Variants in MPZ observed in about 807,000 individuals in gnomAD.
MPZ encodes the protein myelin protein P0.
MPZ carries 13 observed loss-of-function variants against 27.9 expected under a neutral mutation model. The observed-to-expected ratio is 0.47, with a 90% CI of 0.30 to 0.74. The LOEUF (loss-of-function observed/expected upper bound fraction) is 0.74, where lower values mean the gene tolerates loss of function less well. Ranked by LOEUF, MPZ falls within the 30% of genes least tolerant of loss-of-function variation. The probability of loss-of-function intolerance (pLI) is 0.06; values close to 1 mark genes in which losing one functional copy is unlikely to be tolerated. For synonymous variants in MPZ, 118 were observed against 128.9 expected, an observed-to-expected ratio of 0.92 and a Z score of 0.57; for missense variants, 256 against 317.5, an observed-to-expected ratio of 0.81 and a Z score of 1.47.
intron 1 of MPZ, 197 bp from the exon 2 acceptor site, chr1:161,307,621 A>C (rs145912447): frequency 3.3e-6 from 2 of 613,316 alleles, no homozygotes; most frequent in African/African-American, 3.7e-5. Flanking sequence ...CAAGCTCTTT[A>C]GCATGTCTGT....
Position 161,305,761 on chromosome 1 carries a change from G to C in MPZ, c.*115C>G. 1.3e-6 allele frequency: 1 copy of C among 748,192 alleles called. No individual in the cohort carries two copies. Among genetic ancestry groups the C allele is most frequent in the Non-Finnish European group, 2.2e-6 (1 of 455,562 alleles). The allele number at this position is 748,192 out of a possible 1,614,324, so 46.3% of individuals were successfully genotyped here. A position where few individuals can be genotyped will look rare whatever the true frequency, so the allele number is the denominator to read the frequency against. On this transcript the variant is annotated 3_prime_UTR_variant, in exon 6 of 6. Transcript: ENST00000533357. ...GTTCTGCTGGGGGACTTGACAGCAG[G>C]CCGGAGCTCCGGGCTCTGCTCATCC...
At chr1:161,306,601 A>C in intron 3 of MPZ, 107 bp downstream of exon 3, 1 of 1,547,072 alleles carries the variant, frequency 6.5e-7, no homozygotes, top group Non-Finnish European at 8.9e-7. Context: ...CAGAGCCTGA[A>C]TAAAGGTCCT....
chr1:161,305,858 C>A lies in MPZ; in HGVS notation c.*18G>T. Reference sequence around the variant, plus strand: ...ACTCCACCCCTAACCCCCGATCCCCCGCCCGGCCCGCTAACCGCTATTTCT... The same window carrying A: ...ACTCCACCCCTAACCCCCGATCCCCAGCCCGGCCCGCTAACCGCTATTTCT... On this transcript the variant is annotated 3_prime_UTR_variant, in exon 6 of 6. Transcript: ENST00000533357. 2 of 1,595,704 alleles carry A rather than the reference C, an allele frequency of 1.3e-6. No homozygotes were observed. The highest frequency in any genetic ancestry group is 8.6e-7 in the Non-Finnish European group (1 of 1,165,792).
chr1:161,307,014 CAAAAAAAAA>C (rs34621933), intron 2 of MPZ, 93 bp from the exon 3 acceptor site: 71 of 232,406 alleles, frequency 3.1e-4, no homozygotes, highest in Middle Eastern at 1.4e-3. Context: ...AAGAAAAAAG[CAAAAAAAAA>C]AAAAAAAAAA....
chr1:161,307,169 A>C, intron 2 of MPZ, 89 bp downstream of exon 2: 6 of 1,528,340 alleles, frequency 3.9e-6, no homozygotes, highest in African/African-American at 1.4e-5. Context: ...CTCAAAAAGG[A>C]TTTCCCCCTC....
chr1:161,307,064 G>T (rs1178622220), intron 2 of MPZ, 143 bp from the exon 3 acceptor site: 2 of 976,250 alleles, frequency 2.0e-6, no homozygotes, highest in African/African-American at 3.3e-5. Flanking sequence ...CAGGGTAAGG[G>T]ATCTTGGGCT....
intron 1 of MPZ, among the ~76,000 whole-genome samples, chr1:161,308,175 TAA>T (rs1000140979): frequency 1.6e-4 from 25 of 152,280 alleles, no homozygotes; most frequent in African/African-American, 6.0e-4. Flanking sequence ...CTAGAAAATA[TAA>T]GTCTTCTTCC....
At chr1:161,309,070 A>T in intron 1 of MPZ, among the ~76,000 whole-genome samples, 1 of 152,128 alleles carries the variant, frequency 6.6e-6, no homozygotes, top group Non-Finnish European at 1.5e-5. Flanking sequence ...TTGACCTCTT[A>T]CTCACCCAAC....
At chr1:161,303,655 G>A (rs183861959), downstream of MPZ, among the ~76,000 whole-genome samples, 5 of 152,260 alleles carry the variant, frequency 3.3e-5, no homozygotes, top group African/African-American at 9.6e-5. Flanking sequence ...TGACTCTCCT[G>A]ACAGTCTGGG....
Position 161,305,804 on chromosome 1 carries a change from G to T in MPZ, c.*72C>A. ...GCTCATCCTTTCGTAGCTCCATCTCGATGACCATCACCTTTGGGCCTTTGG... is the reference window on the plus strand; with the variant it reads ...GCTCATCCTTTCGTAGCTCCATCTCTATGACCATCACCTTTGGGCCTTTGG... On this transcript the variant is annotated 3_prime_UTR_variant, in exon 6 of 6. Transcript: ENST00000533357. 8.8e-7 allele frequency: 1 copy of T among 1,137,352 alleles called. No homozygotes were observed. The highest frequency in any genetic ancestry group is 1.3e-6 in the Non-Finnish European group (1 of 772,962). The allele number at this position is 1,137,352 out of a possible 1,614,324, so 70.5% of individuals were successfully genotyped here.
chr1:161,306,582 C>T, intron 3 of MPZ, 118 bp from the exon 4 acceptor site: 1 of 1,552,616 alleles, frequency 6.4e-7, no homozygotes, highest in Middle Eastern at 1.7e-4. Flanking sequence ...TGCCTTCTGC[C>T]CACGCTCCCA....
intron 2 of MPZ, 92 bp downstream of exon 2, chr1:161,307,166 A>G: frequency 6.5e-7 from 1 of 1,531,766 alleles, no homozygotes; most frequent in East Asian, 2.4e-5. Context: ...TGGCTCAAAA[A>G]GGATTTCCCC....
intron 4 of MPZ, 62 bp from the exon 5 acceptor site, chr1:161,306,230 G>T: frequency 6.2e-7 from 1 of 1,611,396 alleles, no homozygotes; most frequent in Non-Finnish European, 8.5e-7. Flanking sequence ...CGCGGACACA[G>T]CTTCCTCTTC....
downstream of MPZ, chr1:161,304,722 A>G (rs1228446240): frequency 1.3e-5 from 2 of 152,772 alleles, no homozygotes; most frequent in East Asian, 3.7e-4. Context: ...GAAATTCTAG[A>G]CAAGGCAGCA....
chr1:161,306,059 C>T, intron 5 of MPZ, 49 bp downstream of exon 5: 6 of 1,612,488 alleles, frequency 3.7e-6, no homozygotes, highest in Non-Finnish European at 5.1e-6. Context: ...TGCCCGGCGG[C>T]TCCCAGGGTT....
downstream of MPZ, among the ~76,000 whole-genome samples, chr1:161,304,028 C>T (rs902579377): frequency 2.0e-5 from 3 of 152,004 alleles, no homozygotes; most frequent in African/African-American, 4.8e-5. Flanking sequence ...GAAAATGATA[C>T]GTATATGTTT....
At chr1:161,309,244 C>T (rs1180964119) in intron 1 of MPZ, among the ~76,000 whole-genome samples, 1 of 152,214 alleles carries the variant, frequency 6.6e-6, no homozygotes, top group African/African-American at 2.4e-5. Flanking sequence ...CAAACCTGGG[C>T]TCCTTACTTA....
In MPZ at chr1:161,305,882, C is replaced by G. The variant is rs1670223451; in HGVS notation, c.741G>C (p.Lys247Asn). The stretch of plus-strand genomic sequence containing the variant: ...CCGCCCGGCCCGCTAACCGCTATTT[C>G]TTATCCTTGCGAGACTCCCCCAGCC... ...AKGLGESRKDKK is the reference protein window; with the variant it reads ...AKGLGESRKDNK The change falls in exon 6 of 6, where the codon AAG becomes AAC. Residue 247 changes from lysine (K) to asparagine (N), a missense_variant. By Grantham distance (94) the Lys-to-Asn change is moderately conservative. Transcript: ENST00000533357. 6.4e-7 allele frequency: 1 copy of G among 1,566,000 alleles called. No homozygotes were observed. The highest frequency in any genetic ancestry group is 8.7e-7 in the Non-Finnish European group (1 of 1,146,152).
At chr1:161,309,552 A>ATATATATATATATATAT in intron 1 of MPZ, among the ~76,000 whole-genome samples, 1 of 80,630 alleles carries the variant, frequency 1.2e-5, no homozygotes. Flanking sequence ...ATATATATAT[A>ATATATATATATATATAT]TTTTTTTTTT....
Sources: allele counts gnomAD v4.1 joint callset (sites outside exome capture counted in the v4.1 genomes callset), GRCh38; gene constraint gnomAD v4.1.1; transcripts MANE v1.5; gene names NCBI Gene and HGNC (gene_info 2026-07-23, HGNC 2026-07-21).